The following ARID4A variants were observed in gnomAD, a reference collection of about 807,000 sequenced individuals.
ARID4A encodes the protein AT-rich interaction domain 4A, also known as AT-rich interactive domain-containing protein 4A.
In ARID4A, 39 loss-of-function variants were observed where a neutral mutation model predicts 148.6. The ratio of observed to expected loss-of-function variants is 0.26; its 90% CI spans 0.20 to 0.34. The LOEUF (loss-of-function observed/expected upper bound fraction) is 0.34, where lower values mean the gene tolerates loss of function less well. Among genes scored for constraint, ARID4A ranks in the 10% least tolerant of loss-of-function variants. ARID4A has a pLI of 1.00. For synonymous variants in ARID4A, 475 were observed against 481.2 expected (o/e 0.99, Z 0.17); for missense variants, 1,265 against 1,449.1 (o/e 0.87, Z 2.06).
intron 11 of ARID4A, among the ~76,000 whole-genome samples, chr14:58,341,184 G>C (rs2034102316): frequency 6.6e-6 from 1 of 152,084 alleles, no homozygotes; most frequent in Admixed American, 6.5e-5. Flanking sequence ...TGTTATAATG[G>C]CTTCCTTTTC....
intron 5 of ARID4A, among the ~76,000 whole-genome samples, chr14:58,317,368 T>A (rs1020003012): frequency 6.8e-6 from 1 of 147,206 alleles, no homozygotes; most frequent in Non-Finnish European, 1.5e-5. Context: ...CACTGCAAGC[T>A]CCGCCTCCTG....
At chr14:58,335,555 C>T (rs1373863630) in intron 11 of ARID4A, among the ~76,000 whole-genome samples, 3 of 152,124 alleles carry the variant, frequency 2.0e-5, no homozygotes, top group South Asian at 2.1e-4. Context: ...TCAGGTGATC[C>T]GCGCATCTCA....
chr14:58,345,933 A>G (rs984715837), intron 12 of ARID4A, among the ~76,000 whole-genome samples: 2 of 150,936 alleles, frequency 1.3e-5, no homozygotes, highest in Admixed American at 1.3e-4. Flanking sequence ...ACAGGATATC[A>G]CCATGTTGCC....
intron 19 of ARID4A, among the ~76,000 whole-genome samples, chr14:58,361,747 CTG>C (rs760042439): frequency 1.3e-5 from 2 of 152,114 alleles, no homozygotes; most frequent in East Asian, 1.9e-4. Flanking sequence ...GCTGAAGAAA[CTG>C]TTGTGCACCT....
intron 5 of ARID4A, among the ~76,000 whole-genome samples, chr14:58,316,695 C>G (rs2032439254): frequency 1.3e-5 from 2 of 152,116 alleles, no homozygotes; most frequent in Admixed American, 1.3e-4. Context: ...ATTCTCCTGC[C>G]TCAGCCTCCC....
At chr14:58,329,228 G>A (rs1034238898) in intron 9 of ARID4A, among the ~76,000 whole-genome samples, 1 of 152,052 alleles carries the variant, frequency 6.6e-6, no homozygotes, top group Non-Finnish European at 1.5e-5. Flanking sequence ...TTGTCTACAA[G>A]TGTTGAAAAC....
chr14:58,322,782 T>C (rs911305352), intron 7 of ARID4A, among the ~76,000 whole-genome samples: 1 of 151,484 alleles, frequency 6.6e-6, no homozygotes, highest in African/African-American at 2.4e-5. Context: ...GCCAACATGG[T>C]GAAAACCTGT....
At chr14:58,299,935 C>A in intron 2 of ARID4A, 75 bp downstream of exon 2, 6 of 1,598,062 alleles carry the variant, frequency 3.8e-6, no homozygotes, top group South Asian at 1.1e-5. Context: ...CGTGGAATGT[C>A]ATTTGTTTTG....
intron 5 of ARID4A, among the ~76,000 whole-genome samples, chr14:58,314,908 C>T (rs189994986): frequency 6.6e-6 from 1 of 152,246 alleles, no homozygotes; most frequent in Admixed American, 6.5e-5. Context: ...CACTTGAGGC[C>T]AGGAGTTTGA....
In ARID4A at chr14:58,362,107, C is replaced by T. The variant is rs142423392; in HGVS notation, c.2080+1065C>T. On this transcript the variant is annotated intron_variant, in intron 19 of 23. Transcript: ENST00000355431. Reference sequence around the variant, plus strand: ...GCTACACTTTCCCTCAAAGCCTGTACCAGTGTATCCTATAAATTCAATGCT... The same window carrying T: ...GCTACACTTTCCCTCAAAGCCTGTATCAGTGTATCCTATAAATTCAATGCT... 1.7e-3 allele frequency among the ~76,000 whole-genome samples: 262 copies of T among 152,254 alleles called. 3 individuals are homozygous for T. The highest frequency in any genetic ancestry group is 6.2e-3 in the African/African-American group (258 of 41,530).
chr14:58,353,276 T>C (rs768601774), intron 16 of ARID4A, among the ~76,000 whole-genome samples: 22 of 152,202 alleles, frequency 1.4e-4, no homozygotes, highest in Non-Finnish European at 2.9e-4. Flanking sequence ...ATTTTTCTTA[T>C]TTTGTTTTGT....
rs2034024203 is a variant in ARID4A, at chr14:58,339,882, A to G, written c.907-4813A>G. Among the ~76,000 whole-genome samples the G allele has an allele frequency of 2.0e-5, 3 of 151,570 alleles. No homozygotes were observed. The South Asian group carries it at 6.3e-4, about 32-fold the overall frequency. ...AGAGAGAGAGAGAGAGAGCATGAGC[A>G]CGCAAAGGGGGAAGTGCTATACACT... is the stretch of plus-strand genomic sequence containing the variant. On this transcript the variant is annotated intron_variant, in intron 11 of 23. Transcript: ENST00000355431.
chr14:58,300,185 A>G (rs559584911), intron 2 of ARID4A, among the ~76,000 whole-genome samples: 2 of 151,894 alleles, frequency 1.3e-5, no homozygotes, highest in East Asian at 3.9e-4. Flanking sequence ...TCTTTGGGGG[A>G]TTTTTTGTAA....
chr14:58,351,214 G>T lies in ARID4A; in HGVS notation c.1546G>T (p.Glu516Ter). ...DYETAEKKEN[E>*]LLLGRKNTPK... is the part of the protein sequence containing the mutation. ...TGAAACTGCAGAGAAAAAAGAAAAT[G>T]AGCTACTACTGGGGAGAAAAAATAC... The change falls in exon 16 of 24, where the codon GAG becomes TAG. Residue 516 changes from glutamate (E) to a stop codon, truncating the protein, a stop_gained. Coordinates refer to ENST00000355431, the MANE Select transcript of ARID4A (RefSeq NM_002892.4). LOFTEE classifies it high-confidence loss of function. 2 of 1,612,902 alleles carry T rather than the reference G, an allele frequency of 1.2e-6. No individual in the cohort carries two copies. The highest frequency in any genetic ancestry group is 2.2e-5 in the South Asian group (2 of 90,620).
chr14:58,368,048 G>A (rs1397653371), intron 23 of ARID4A, among the ~76,000 whole-genome samples: 1 of 152,096 alleles, frequency 6.6e-6, no homozygotes, highest in Non-Finnish European at 1.5e-5. Context: ...TCCCATCTGT[G>A]AAGCAAGTCT....
intron 22 of ARID4A, 98 bp downstream of exon 22, chr14:58,366,328 G>T (rs560710601): frequency 4.1e-6 from 4 of 966,774 alleles, no homozygotes; most frequent in Admixed American, 2.4e-5. Flanking sequence ...AAGGAATAAT[G>T]ATTAACTATT....
intron 7 of ARID4A, 55 bp downstream of exon 7, chr14:58,318,860 A>T: frequency 7.0e-7 from 1 of 1,431,500 alleles, no homozygotes; most frequent in Non-Finnish European, 9.7e-7. Flanking sequence ...AACCTTAAAC[A>T]AGGGATTTTG....
intron 5 of ARID4A, among the ~76,000 whole-genome samples, chr14:58,317,163 A>T (rs2032482272): frequency 6.9e-6 from 1 of 145,794 alleles, no homozygotes; most frequent in Admixed American, 6.8e-5. Flanking sequence ...ACTGCACTCC[A>T]GCCTGGGGGA....
intron 20 of ARID4A, 22 bp from the exon 21 acceptor site, chr14:58,365,496 T>C: frequency 1.1e-6 from 1 of 905,148 alleles, no homozygotes; most frequent in Non-Finnish European, 1.7e-6. Flanking sequence ...TTTTCAACAT[T>C]CTCTCTTTCC....
Sources: gnomAD v4.1 joint callset for allele counts (sites outside exome capture counted in the v4.1 genomes callset) on GRCh38, gnomAD v4.1.1 for gene constraint, MANE v1.5 for transcripts, NCBI Gene and HGNC (gene_info 2026-07-23, HGNC 2026-07-21) for gene names.